COL25A1: variants seen among roughly 807,000 people sequenced by gnomAD.
COL25A1 encodes collagen type XXV alpha 1 chain.
A neutral mutation model predicts 128.4 loss-of-function variants in COL25A1; 103 were observed. The observed-to-expected ratio is 0.80, with a 90% confidence interval of 0.68 to 0.94. The LOEUF (loss-of-function observed/expected upper bound fraction) is 0.94, where lower values mean the gene tolerates loss of function less well. COL25A1 is among the 40% of genes least tolerant of loss of function. The pLI, the probability that COL25A1 is intolerant of heterozygous loss-of-function variation, is 0.00. For missense variants in COL25A1, 745 were observed against 840.0 expected (o/e 0.89, Z 1.40); for synonymous variants, 279 against 277.2 (o/e 1.01, Z -0.06).
In COL25A1 at chr4:108,832,435, T is replaced by TA. The variant is rs760493024; in HGVS notation, c.1657-3dup. 7.5e-5 allele frequency: 119 copies of TA among 1,587,058 alleles called. No individual in the cohort carries two copies. The highest frequency in any genetic ancestry group is 1.2e-4 in the Admixed American group (7 of 56,708). ...GGGTCCCATAGGACCATCTGTACCC[T>TA]AAAAAAAAGATAATATGAGATATAT... On this transcript the variant is annotated splice_region_variant and splice_polypyrimidine_tract_variant and intron_variant, in intron 31 of 37. Transcript: ENST00000399132.
chr4:109,082,978 T>C (rs1452054746), intron 3 of COL25A1, among the ~76,000 whole-genome samples: 2 of 152,138 alleles, frequency 1.3e-5, no homozygotes, highest in African/African-American at 4.8e-5. Flanking sequence ...AAATATAATA[T>C]GATGAGAGAA....
chr4:109,247,735 GTAGT>G (rs1780369180), intron 3 of COL25A1, among the ~76,000 whole-genome samples: 1 of 152,162 alleles, frequency 6.6e-6, no homozygotes, highest in Admixed American at 6.6e-5. Context: ...TAACCACCAG[GTAGT>G]TAAAAACATG....
Position 109,302,049 on chromosome 4 carries a change from T to G in COL25A1, c.-30A>C, listed in dbSNP as rs771627738. On this transcript the variant is annotated 5_prime_UTR_variant, in exon 2 of 38. Coordinates refer to ENST00000399132, the MANE Select transcript of COL25A1 (RefSeq NM_198721.4). ...GCGGGGTCGGCCGTCTCGGCTTCGC[T>G]TCCCACCCTCTACACCTCAAATAAT... is the stretch of plus-strand genomic sequence containing the variant. The G allele has an allele frequency of 5.8e-6, 9 of 1,557,518 alleles. 1 individual carries two copies. In the South Asian group the frequency reaches 1.1e-4, roughly 19 times the overall value.
chr4:109,283,289 A>G (rs909827932), intron 3 of COL25A1, among the ~76,000 whole-genome samples: 11 of 152,146 alleles, frequency 7.2e-5, no homozygotes, highest in Admixed American at 5.2e-4. Flanking sequence ...ACTCTATTGT[A>G]TAGGCTGGAG....
At chr4:108,833,303 A>G (rs1733391854) in intron 31 of COL25A1, among the ~76,000 whole-genome samples, 1 of 152,210 alleles carries the variant, frequency 6.6e-6, no homozygotes, top group South Asian at 2.1e-4. Flanking sequence ...GCCAGTCACT[A>G]GGCTTACAAC....
At chr4:109,290,323 T>TAG (rs1560988213) in intron 3 of COL25A1, among the ~76,000 whole-genome samples, 1 of 152,102 alleles carries the variant, frequency 6.6e-6, no homozygotes, top group Non-Finnish European at 1.5e-5. Flanking sequence ...ATTCCTCATA[T>TAG]AGAACTTGGT....
intron 3 of COL25A1, among the ~76,000 whole-genome samples, chr4:109,095,534 C>T (rs898285852): frequency 2.0e-5 from 3 of 152,112 alleles, no homozygotes; most frequent in Admixed American, 6.5e-5. Flanking sequence ...GGTGTGCAGC[C>T]CACATGCAGC....
At chr4:109,263,644 A>T (rs947162067) in intron 3 of COL25A1, among the ~76,000 whole-genome samples, 3 of 152,214 alleles carry the variant, frequency 2.0e-5, no homozygotes, top group Non-Finnish European at 2.9e-5. Context: ...GAAGGACAGA[A>T]CAATAAACTG....
rs574621464 is a variant in COL25A1 at position 108,906,122 on chromosome 4, C to T, written c.781-4950G>A. Among the ~76,000 whole-genome samples, 34 of 152,254 alleles carry T rather than the reference C, an allele frequency of 2.2e-4. No homozygotes were observed. The South Asian group carries it at 6.8e-3, about 31-fold the overall frequency. On this transcript the variant is annotated intron_variant, in intron 13 of 37. Transcript: ENST00000399132. ...CACTCAGTTCTCTGCAAGCCTGTCC[C>T]ATCTCATTCAGAATAAGAGCCGACA...
intron 3 of COL25A1, among the ~76,000 whole-genome samples, chr4:109,132,569 A>C (rs79324816): frequency 0.045 from 6,906 of 152,276 alleles, 238 homozygotes; most frequent in Non-Finnish European, 0.065. Flanking sequence ...AAAAAAATAC[A>C]TTAAATAATC....
intron 3 of COL25A1, among the ~76,000 whole-genome samples, chr4:109,212,973 A>G (rs532552904): frequency 1.3e-5 from 2 of 152,170 alleles, no homozygotes; most frequent in Non-Finnish European, 2.9e-5. Flanking sequence ...GCTTTTCATA[A>G]GTAATAATAG....
At chr4:109,208,485 A>AT (rs1385266418) in intron 3 of COL25A1, among the ~76,000 whole-genome samples, 1 of 147,572 alleles carries the variant, frequency 6.8e-6, no homozygotes, top group Non-Finnish European at 1.5e-5. Flanking sequence ...TCAGTTAATA[A>AT]AAAAAAAAAA....
intron 3 of COL25A1, among the ~76,000 whole-genome samples, chr4:109,121,735 A>T (rs1274362041): frequency 6.6e-6 from 1 of 152,112 alleles, no homozygotes; most frequent in African/African-American, 2.4e-5. Context: ...AAAATGAAAC[A>T]TACTCTTACC....
At chr4:108,966,383 C>T (rs909036352) in intron 8 of COL25A1, among the ~76,000 whole-genome samples, 4 of 152,028 alleles carry the variant, frequency 2.6e-5, no homozygotes, top group Admixed American at 1.3e-4. Flanking sequence ...TTCACAGAGG[C>T]CTGGGATTTT....
intron 3 of COL25A1, among the ~76,000 whole-genome samples, chr4:109,165,521 G>A (rs1772988830): frequency 6.6e-6 from 1 of 152,106 alleles, no homozygotes; most frequent in Non-Finnish European, 1.5e-5. Flanking sequence ...TTCGAGACCA[G>A]CCTGGGCAAC....
intron 3 of COL25A1, among the ~76,000 whole-genome samples, chr4:109,160,892 T>G (rs566338146): frequency 6.6e-6 from 1 of 152,340 alleles, no homozygotes; most frequent in African/African-American, 2.4e-5. Context: ...TTATTTCCTT[T>G]TATTATAACA....
At chr4:109,124,196 T>C (rs772394174) in intron 3 of COL25A1, among the ~76,000 whole-genome samples, 5 of 152,028 alleles carry the variant, frequency 3.3e-5, no homozygotes, top group Non-Finnish European at 7.4e-5. Context: ...CCCTGCTCCT[T>C]ATATTTCTTT....
intron 3 of COL25A1, among the ~76,000 whole-genome samples, chr4:109,179,653 T>C (rs1288789341): frequency 2.0e-5 from 3 of 152,236 alleles, no homozygotes; most frequent in African/African-American, 4.8e-5. Context: ...AAAGCTGTCT[T>C]TTTTCAGATC....
At chr4:108,831,348 A>G (rs752224171) in intron 32 of COL25A1, among the ~76,000 whole-genome samples, 2 of 152,178 alleles carry the variant, frequency 1.3e-5, no homozygotes, top group Admixed American at 6.6e-5. Flanking sequence ...TGCACATAGT[A>G]GCATTTGGTA....
Sources: allele counts gnomAD v4.1 joint callset (sites outside exome capture counted in the v4.1 genomes callset), GRCh38; gene constraint gnomAD v4.1.1; transcripts MANE v1.5; gene names NCBI Gene and HGNC (gene_info 2026-07-23, HGNC 2026-07-21).